Variants in PRKAG2 observed in about 807,000 individuals in gnomAD.
PRKAG2 encodes the protein protein kinase AMP-activated non-catalytic subunit gamma 2.
A neutral mutation model predicts 69.6 loss-of-function variants in PRKAG2; 26 were observed. That is an observed-to-expected ratio of 0.37 (90% CI 0.27 to 0.52). The LOEUF (loss-of-function observed/expected upper bound fraction) is 0.52, where lower values mean the gene tolerates loss of function less well. Ranked by LOEUF, PRKAG2 falls within the 20% of genes least tolerant of loss-of-function variation. The pLI is 0.90. For missense variants in PRKAG2, 557 were observed against 740.0 expected (o/e 0.75, Z 2.87); for synonymous variants, 293 against 285.0 (o/e 1.03, Z -0.28).
chr7:151,583,231 G>A lies in PRKAG2; in HGVS notation c.865-6779C>T, dbSNP rs2538041. ...GAGATGGGGTTTTGCCATGTTGCCC[G>A]GGCTGGTCTCAAACTCTAGGCCTCA... On this transcript the variant is annotated intron_variant, in intron 6 of 15. Coordinates refer to ENST00000287878, the MANE Select transcript of PRKAG2 (RefSeq NM_016203.4). The surrounding 1 kb of genome is among the most constrained non-coding windows in gnomAD (Gnocchi z 4.1). Among the ~76,000 whole-genome samples, 29,779 of 151,924 alleles carry A rather than the reference G, an allele frequency of 0.2. 3,789 individuals carry two copies. Among genetic ancestry groups the A allele is most frequent in the East Asian group, 0.44 (2,262 of 5,154 alleles).
chr7:151,562,129 C>G (rs1805148019), intron 14 of PRKAG2, among the ~76,000 whole-genome samples: 1 of 149,110 alleles, frequency 6.7e-6, no homozygotes, highest in African/African-American at 2.5e-5. Context: ...CCTGTAATCC[C>G]AGCTACTCAG....
intron 5 of PRKAG2, among the ~76,000 whole-genome samples, chr7:151,628,564 T>C (rs1823595315): frequency 6.6e-6 from 1 of 151,872 alleles, no homozygotes; most frequent in South Asian, 2.1e-4. Flanking sequence ...GTACAAAAAT[T>C]AGCCAGGCAT....
Position 151,756,048 on chromosome 7 carries a change from C to T in PRKAG2, c.466+25104G>A, listed in dbSNP as rs1166427691. ...CTTCCACTGCCCTCTCCCGCCTCCTCTCCCATCCCCCATTGGTCTCCTCCT... is the reference window on the plus strand; with the variant it reads ...CTTCCACTGCCCTCTCCCGCCTCCTTTCCCATCCCCCATTGGTCTCCTCCT... On this transcript the variant is annotated intron_variant, in intron 3 of 15. Transcript: ENST00000287878. This position sits in a 1 kb window ranked among gnomAD's most constrained non-coding sequence, Gnocchi z 4.9. Among the ~76,000 whole-genome samples, 1 of 152,202 alleles carries T rather than the reference C, an allele frequency of 6.6e-6. No individual in the cohort carries two copies. The highest frequency in any genetic ancestry group is 1.5e-5 in the Non-Finnish European group (1 of 68,030).
rs114289236 is a variant in PRKAG2 at position 151,638,131 on chromosome 7, C to T, written c.685-5993G>A. ...ATCTCCCCAGGGAGAACAAAATGGGCCAACCATGGCAGGGAGGAACTGGGT... is the reference window on the plus strand; with the variant it reads ...ATCTCCCCAGGGAGAACAAAATGGGTCAACCATGGCAGGGAGGAACTGGGT... On this transcript the variant is annotated intron_variant, in intron 4 of 15. Transcript: ENST00000287878. The surrounding 1 kb of genome is among the most constrained non-coding windows in gnomAD (Gnocchi z 4.3). Among the ~76,000 whole-genome samples the T allele has an allele frequency of 2.1e-3, 315 of 152,290 alleles. 1 individual carries two copies. The highest frequency in any genetic ancestry group is 7.3e-3 in the African/African-American group (304 of 41,560).
chr7:151,875,046 G>A (rs972425237), intron 1 of PRKAG2, among the ~76,000 whole-genome samples: 2 of 152,360 alleles, frequency 1.3e-5, no homozygotes, highest in African/African-American at 4.8e-5. Flanking sequence ...AGAGGTTTGT[G>A]GCAGCAACAT....
In PRKAG2 at chr7:151,836,377, GC is replaced by G. The variant is rs2079148200; in HGVS notation, c.114+40129del. Among the ~76,000 whole-genome samples the G allele has an allele frequency of 6.6e-6, 1 of 152,198 alleles. No homozygotes were observed. The highest frequency in any genetic ancestry group is 2.1e-4 in the South Asian group (1 of 4,828). ...GGGGCGAGAGAATGGGGTGGTGGCT[GC>G]CCCAGGCCAGCTGGTCCAGGCAGCT... is the stretch of plus-strand genomic sequence containing the variant. On this transcript the variant is annotated intron_variant, in intron 1 of 15. Transcript: ENST00000287878. This position sits in a 1 kb window ranked among gnomAD's most constrained non-coding sequence, Gnocchi z 4.1.
At position 151,807,960 on chromosome 7, in the gene PRKAG2, G is replaced by A. The variant is rs534636182; in HGVS notation, c.115-21419C>T. On this transcript the variant is annotated intron_variant, in intron 1 of 15. Coordinates refer to ENST00000287878, the MANE Select transcript of PRKAG2 (RefSeq NM_016203.4). The surrounding 1 kb of genome is among the most constrained non-coding windows in gnomAD (Gnocchi z 4.4). ...CTCTGGAGGAAGGAAGAGGCTAAAG[G>A]CATAGTTTCGTAACCCCTCCCTACA... Among the ~76,000 whole-genome samples the A allele has an allele frequency of 7.9e-5, 12 of 152,242 alleles. No individual in the cohort carries two copies. Among genetic ancestry groups the A allele is most frequent in the South Asian group, 4.1e-4 (2 of 4,826 alleles).
At chr7:151,765,941 T>C (rs563550167) in intron 3 of PRKAG2, among the ~76,000 whole-genome samples, 20 of 152,364 alleles carry the variant, frequency 1.3e-4, no homozygotes, top group African/African-American at 4.3e-4. Flanking sequence ...GATGGCATCA[T>C]GTGTCTGGAT....
intron 4 of PRKAG2, among the ~76,000 whole-genome samples, chr7:151,673,889 C>T (rs1405661788): frequency 6.8e-6 from 1 of 147,376 alleles, no homozygotes; most frequent in Non-Finnish European, 1.5e-5. Context: ...GTCACCCAGG[C>T]CGGAGTGCAG....
At position 151,836,648 on chromosome 7, in the gene PRKAG2, T is replaced by C. The variant is rs897204289; in HGVS notation, c.114+39859A>G. ...CCAGCTGTGCCTCTGGCCTCCTGTC[T>C]GGGTGCAGCCTTAGCGGGGCACAGG... is the stretch of plus-strand genomic sequence containing the variant. On this transcript the variant is annotated intron_variant, in intron 1 of 15. Coordinates refer to ENST00000287878, the MANE Select transcript of PRKAG2 (RefSeq NM_016203.4). The surrounding 1 kb of genome is among the most constrained non-coding windows in gnomAD (Gnocchi z 4.1). 6.6e-6 allele frequency among the ~76,000 whole-genome samples: 1 copy of C among 152,186 alleles called. No homozygotes were observed. Among genetic ancestry groups the C allele is most frequent in the Admixed American group, 6.5e-5 (1 of 15,286 alleles).
chr7:151,786,363 G>A (rs2077007022), intron 2 of PRKAG2, 107 bp downstream of exon 2: 6 of 1,108,302 alleles, frequency 5.4e-6, no homozygotes, highest in Admixed American at 4.0e-5. Flanking sequence ...AAGCGGACAT[G>A]CGGGTGGGCG....
intron 3 of PRKAG2, among the ~76,000 whole-genome samples, chr7:151,703,353 G>T (rs1321838325): frequency 2.6e-5 from 4 of 152,166 alleles, no homozygotes; most frequent in Admixed American, 2.0e-4. Context: ...AAATAAACTG[G>T]TGTTTCCCCT....
chr7:151,620,039 T>C (rs1219090437), intron 5 of PRKAG2, among the ~76,000 whole-genome samples: 1 of 151,768 alleles, frequency 6.6e-6, no homozygotes, highest in African/African-American at 2.4e-5. Flanking sequence ...AAAATAAAAA[T>C]AAAAATAAAA....
In PRKAG2 at chr7:151,618,554, C is replaced by T. The variant is rs1054292191; in HGVS notation, c.754+13515G>A. Among the ~76,000 whole-genome samples, 8 of 151,842 alleles carry T rather than the reference C, an allele frequency of 5.3e-5. No individual in the cohort carries two copies. In the East Asian group the frequency reaches 9.6e-4, roughly 18 times the overall value. ...CCGAAGCAGGTGGGTCATTTGAGGTCGGGAGTTTGAAACCAGCCTGGTCAA... is the reference window on the plus strand; with the variant it reads ...CCGAAGCAGGTGGGTCATTTGAGGTTGGGAGTTTGAAACCAGCCTGGTCAA... On this transcript the variant is annotated intron_variant, in intron 5 of 15. Transcript: ENST00000287878.
intron 3 of PRKAG2, among the ~76,000 whole-genome samples, chr7:151,702,240 TGCTGGGGTA>T (rs1246118030): frequency 5.9e-5 from 9 of 152,218 alleles, no homozygotes; most frequent in Non-Finnish European, 1.3e-4. Context: ...CAGAAAAAGT[TGCTGGGGTA>T]GCCCAGTTGC....
intron 1 of PRKAG2, among the ~76,000 whole-genome samples, chr7:151,834,063 G>A (rs2079095678): frequency 6.7e-6 from 1 of 150,352 alleles, no homozygotes; most frequent in African/African-American, 2.4e-5. Context: ...GTTTCTGGAG[G>A]AAAAAAAAAA....
In PRKAG2 at chr7:151,674,977, G is replaced by A. The variant is rs183665035; in HGVS notation, c.684+443C>T. On this transcript the variant is annotated intron_variant, in intron 4 of 15. Coordinates refer to ENST00000287878, the MANE Select transcript of PRKAG2 (RefSeq NM_016203.4). ...CTCTGTTACATAGGGGCTGGAGTGCGGTGTCATGATCTCAGCTCACTGCAG... is the reference window on the plus strand; with the variant it reads ...CTCTGTTACATAGGGGCTGGAGTGCAGTGTCATGATCTCAGCTCACTGCAG... The A allele has an allele frequency of 8.4e-4, 229 of 272,120 alleles. 1 individual carries two copies. The highest frequency in any genetic ancestry group is 2.3e-3 in the Admixed American group (47 of 20,734). 16.9% of individuals were successfully genotyped at this position (272,120 alleles called of 1,614,324 possible). A position where few individuals can be genotyped will look rare whatever the true frequency, so the allele number is the denominator to read the frequency against.
intron 6 of PRKAG2, among the ~76,000 whole-genome samples, chr7:151,588,743 C>CT (rs1338688002): frequency 3.9e-5 from 6 of 152,168 alleles, no homozygotes; most frequent in South Asian, 4.1e-4. Flanking sequence ...CTTGCTTCTC[C>CT]TTGCCTTCCA....
At chr7:151,785,219 G>A (rs534536676) in intron 2 of PRKAG2, among the ~76,000 whole-genome samples, 15 of 152,388 alleles carry the variant, frequency 9.8e-5, no homozygotes, top group South Asian at 2.1e-4. Context: ...AGGAAGCTGG[G>A]GCCAGGGCCT....
Sources: gnomAD v4.1 joint callset for allele counts (sites outside exome capture counted in the v4.1 genomes callset) on GRCh38, gnomAD v4.1.1 for gene constraint, Gnocchi (gnomAD v3.1) non-coding constraint, MANE v1.5 for transcripts, NCBI Gene and HGNC (gene_info 2026-07-23, HGNC 2026-07-21) for gene names.